The following PCDH11X variants were observed in gnomAD, a reference collection of about 807,000 sequenced individuals.
PCDH11X encodes the protein protocadherin-11 X-linked.
A neutral mutation model predicts 53.3 loss-of-function variants in PCDH11X; 18 were observed. The ratio of observed to expected loss-of-function variants is 0.34; its 90% CI spans 0.23 to 0.50. The LOEUF is 0.50. Ranked by LOEUF, PCDH11X falls within the 20% of genes least tolerant of loss-of-function variation. The pLI is 0.98. For missense variants in PCDH11X, 570 were observed against 1,032.4 expected, an observed-to-expected ratio of 0.55 and a Z score of 6.14; for synonymous variants, 279 against 393.3, an observed-to-expected ratio of 0.71 and a Z score of 3.44.
chrX:91,953,078 G>A (rs1171100554), intron 6 of PCDH11X, among the ~76,000 whole-genome samples: 1 of 110,242 alleles, frequency 9.1e-6, no homozygotes, highest in Non-Finnish European at 1.9e-5. Context: ...GAGGGAGGTG[G>A]GGGTGGTTAA....
chrX:92,219,568 A>G (rs1442464155), intron 7 of PCDH11X, among the ~76,000 whole-genome samples: 29 of 102,726 alleles, frequency 2.8e-4, no homozygotes, highest in South Asian at 1.4e-3. Flanking sequence ...AAATGGAAGA[A>G]CATTCCATGC....
chrX:92,128,768 A>G (rs1274166044), intron 6 of PCDH11X, among the ~76,000 whole-genome samples: 3 of 110,840 alleles, frequency 2.7e-5, no homozygotes, highest in Admixed American at 9.8e-5. Flanking sequence ...AAAAAAATAA[A>G]TGAACAAAAG....
At chrX:92,216,257 C>G (rs1259781589) in intron 7 of PCDH11X, among the ~76,000 whole-genome samples, 2 of 110,631 alleles carry the variant, frequency 1.8e-5, no homozygotes, top group East Asian at 5.8e-4. Flanking sequence ...CTACTCCGAG[C>G]TACAGGAGGA....
At chrX:92,264,501 A>T (rs925407326) in intron 8 of PCDH11X, among the ~76,000 whole-genome samples, 4 of 111,335 alleles carry the variant, frequency 3.6e-5, no homozygotes, top group African/African-American at 1.3e-4. Context: ...TGTATAAAAC[A>T]TGTATTTATA....
chrX:92,179,957 G>A (rs1259250238), intron 6 of PCDH11X, among the ~76,000 whole-genome samples: 1 of 111,270 alleles, frequency 9.0e-6, no homozygotes, highest in Non-Finnish European at 1.9e-5. Context: ...ACTTTCTTCA[G>A]TTGGTTTCCT....
At chrX:91,936,470 T>TA (rs2061445812) in intron 6 of PCDH11X, among the ~76,000 whole-genome samples, 1 of 108,848 alleles carries the variant, frequency 9.2e-6, no homozygotes, top group South Asian at 3.8e-4. Context: ...CCTTACAACT[T>TA]ACAATCGTAT....
intron 6 of PCDH11X, among the ~76,000 whole-genome samples, chrX:92,060,658 C>T (rs2063511317): frequency 9.1e-6 from 1 of 109,464 alleles, no homozygotes; most frequent in African/African-American, 3.3e-5. Context: ...AGGACATGAT[C>T]TCATTCTCTC....
chrX:91,969,085 G>C (rs2061908495), intron 6 of PCDH11X, among the ~76,000 whole-genome samples: 1 of 110,967 alleles, frequency 9.0e-6, no homozygotes, highest in Admixed American at 9.6e-5. Flanking sequence ...AAATATTTAT[G>C]TATTCAGTGA....
At chrX:92,238,678 G>T (rs748350297) in intron 7 of PCDH11X, among the ~76,000 whole-genome samples, 1 of 111,592 alleles carries the variant, frequency 9.0e-6, no homozygotes, top group South Asian at 3.7e-4. Flanking sequence ...ATATATGGCT[G>T]TCTAGACTGG....
intron 6 of PCDH11X, among the ~76,000 whole-genome samples, chrX:92,104,262 T>C (rs1000156670): frequency 1.3e-4 from 14 of 109,193 alleles, no homozygotes; most frequent in Non-Finnish European, 2.7e-4. Context: ...GAGGAAGAAT[T>C]GGGACCTAGC....
chrX:92,024,907 A>G (rs1265388455), intron 6 of PCDH11X, among the ~76,000 whole-genome samples: 1 of 109,785 alleles, frequency 9.1e-6, no homozygotes, highest in Non-Finnish European at 1.9e-5. Flanking sequence ...TGACAAAAAT[A>G]GGAATTGGGA....
At chrX:91,906,256 A>G (rs779240947) in intron 6 of PCDH11X, among the ~76,000 whole-genome samples, 1 of 111,987 alleles carries the variant, frequency 8.9e-6, no homozygotes, top group Non-Finnish European at 1.9e-5. Flanking sequence ...CCTATGCTGC[A>G]TATGGGCAGT....
chrX:91,792,309 T>A (rs1275490022), intron 1 of PCDH11X, among the ~76,000 whole-genome samples: 2 of 111,954 alleles, frequency 1.8e-5, no homozygotes, highest in African/African-American at 6.5e-5. Flanking sequence ...AATATTAGAA[T>A]GGTTCAAAAT....
At chrX:92,318,977 C>T (rs1268204165) in intron 8 of PCDH11X, among the ~76,000 whole-genome samples, 1 of 111,895 alleles carries the variant, frequency 8.9e-6, no homozygotes, top group African/African-American at 3.2e-5. Flanking sequence ...AACTTTTTCT[C>T]ACAGAATAAA....
At chrX:92,180,672 T>G (rs903500249) in intron 6 of PCDH11X, among the ~76,000 whole-genome samples, 2 of 111,297 alleles carry the variant, frequency 1.8e-5, no homozygotes, top group African/African-American at 6.5e-5. Context: ...TGGGGGCAAG[T>G]CTTTCCCGTG....
chrX:92,046,053 A>G (rs1353271513), intron 6 of PCDH11X, among the ~76,000 whole-genome samples: 1 of 111,853 alleles, frequency 8.9e-6, no homozygotes, highest in Admixed American at 9.5e-5. Flanking sequence ...AAAATACACC[A>G]ACGATGGTGT....
At chrX:91,948,384 A>G (rs1180913832) in intron 6 of PCDH11X, among the ~76,000 whole-genome samples, 1 of 109,834 alleles carries the variant, frequency 9.1e-6, no homozygotes, top group East Asian at 2.9e-4. Context: ...GACTAAACTC[A>G]TGCAGCTTAT....
intron 6 of PCDH11X, among the ~76,000 whole-genome samples, chrX:92,170,112 CT>C (rs921166638): frequency 7.4e-4 from 81 of 109,260 alleles, no homozygotes; most frequent in African/African-American, 2.7e-3. Context: ...AAATACTTCT[CT>C]CTATTTTTCA....
At chrX:92,302,299 G>T (rs1447366649) in intron 8 of PCDH11X, among the ~76,000 whole-genome samples, 2 of 111,084 alleles carry the variant, frequency 1.8e-5, no homozygotes, top group Middle Eastern at 9.2e-3. Context: ...TTGTAGTCTT[G>T]CTGACCTGGG....
Sources: allele counts gnomAD v4.1 joint callset (sites outside exome capture counted in the v4.1 genomes callset), GRCh38; gene constraint gnomAD v4.1.1; transcripts MANE v1.5; gene names NCBI Gene and HGNC (gene_info 2026-07-23, HGNC 2026-07-21).